Variants in SCHIP1 observed in about 807,000 individuals in gnomAD.
The protein encoded by SCHIP1 is schwannomin interacting protein 1.
Under a neutral mutation model 29.7 loss-of-function variants are expected in SCHIP1, and 8 were observed. That is an observed-to-expected ratio of 0.27 (90% confidence interval 0.16 to 0.49). The LOEUF (loss-of-function observed/expected upper bound fraction) is 0.49, where lower values mean the gene tolerates loss of function less well. Ranked by LOEUF, SCHIP1 falls within the 20% of genes least tolerant of loss-of-function variation. SCHIP1 has a pLI of 0.99. For synonymous variants in SCHIP1, 76 were observed against 94.9 expected, an observed-to-expected ratio of 0.80 and a Z score of 1.16; for missense variants, 193 against 294.6, an observed-to-expected ratio of 0.66 and a Z score of 2.52.
chr3:159,451,638 A>G, the SCHIP1 span, among the ~76,000 whole-genome samples: 1 of 152,242 alleles, frequency 6.6e-6, no homozygotes, highest in Non-Finnish European at 1.5e-5. Context: ...ACAATTGTTC[A>G]ATTGCTTAGT....
chr3:159,817,313 G>A, the SCHIP1 span, among the ~76,000 whole-genome samples: 3 of 152,036 alleles, frequency 2.0e-5, no homozygotes, highest in Admixed American at 6.5e-5. Flanking sequence ...GTGGGGTGGC[G>A]GGCTGCGGGT....
At chr3:159,486,072 T>C in the SCHIP1 span, among the ~76,000 whole-genome samples, 2 of 152,232 alleles carry the variant, frequency 1.3e-5, no homozygotes, top group East Asian at 1.9e-4. Context: ...TGTTTTGGTA[T>C]ACATAATGAA....
the SCHIP1 span, among the ~76,000 whole-genome samples, chr3:159,397,268 G>T: frequency 2.0e-5 from 3 of 152,108 alleles, no homozygotes; most frequent in African/African-American, 7.2e-5. Flanking sequence ...TGGTTTGAAT[G>T]TCCTCCTGTA....
chr3:159,813,378 A>C, the SCHIP1 span, among the ~76,000 whole-genome samples: 1 of 152,156 alleles, frequency 6.6e-6, no homozygotes, highest in Non-Finnish European at 1.5e-5. Flanking sequence ...ATACGTCCAT[A>C]AGTGGCAGTT....
chr3:159,479,157 A>G, the SCHIP1 span, among the ~76,000 whole-genome samples: 1 of 152,192 alleles, frequency 6.6e-6, no homozygotes, highest in African/African-American at 2.4e-5. Flanking sequence ...TTTGTGTATC[A>G]TGCAATGTTA....
At chr3:159,274,205 G>T in the SCHIP1 span, 21 of 984,848 alleles carry the variant, frequency 2.1e-5, no homozygotes, top group Non-Finnish European at 2.4e-6. Flanking sequence ...CATGTAAATA[G>T]TTCCAAATGT....
At chr3:159,659,874 C>T in the SCHIP1 span, among the ~76,000 whole-genome samples, 325 of 152,060 alleles carry the variant, frequency 2.1e-3, no homozygotes, top group Non-Finnish European at 2.9e-3. Flanking sequence ...AAGGTTAAAG[C>T]GTGAAAAATA....
the SCHIP1 span, among the ~76,000 whole-genome samples, chr3:159,425,235 A>G: frequency 6.6e-6 from 1 of 152,214 alleles, no homozygotes. Context: ...CAATTAAAAG[A>G]CACAGACTGG....
chr3:159,788,831 AAT>A, the SCHIP1 span, among the ~76,000 whole-genome samples: 2 of 152,126 alleles, frequency 1.3e-5, no homozygotes, highest in African/African-American at 4.8e-5. Context: ...AATAGGGTAT[AAT>A]ATATATATAA....
the SCHIP1 span, among the ~76,000 whole-genome samples, chr3:159,318,338 C>A: frequency 1.3e-5 from 2 of 152,224 alleles, no homozygotes; most frequent in Admixed American, 1.3e-4. Context: ...AACCATGCTT[C>A]TTCCAAGTCC....
the SCHIP1 span, among the ~76,000 whole-genome samples, chr3:159,347,829 A>G: frequency 6.6e-6 from 1 of 152,172 alleles, no homozygotes; most frequent in African/African-American, 2.4e-5. Flanking sequence ...ATAGCCCTAC[A>G]AAGGAGAGAA....
the SCHIP1 span, among the ~76,000 whole-genome samples, chr3:159,792,333 C>T: frequency 1.3e-5 from 2 of 152,128 alleles, no homozygotes; most frequent in Non-Finnish European, 2.9e-5. Flanking sequence ...CCAGTTCTAC[C>T]GCCTAAGAGT....
At chr3:159,708,959 C>T in the SCHIP1 span, among the ~76,000 whole-genome samples, 1 of 152,316 alleles carries the variant, frequency 6.6e-6, no homozygotes, top group Non-Finnish European at 1.5e-5. Context: ...CGAGTTCCTT[C>T]AACAGCTGAA....
At chr3:159,744,158 A>G in the SCHIP1 span, among the ~76,000 whole-genome samples, 2 of 152,208 alleles carry the variant, frequency 1.3e-5, no homozygotes, top group African/African-American at 2.4e-5. Context: ...CTTAAAGTGG[A>G]GAGGTGAGAA....
chr3:159,520,075 G>A, the SCHIP1 span, among the ~76,000 whole-genome samples: 11 of 133,180 alleles, frequency 8.3e-5, no homozygotes, highest in East Asian at 2.0e-3. Flanking sequence ...ATACCAGGAA[G>A]ACACAATCTC....
chr3:159,278,021 A>G, the SCHIP1 span, among the ~76,000 whole-genome samples: 1 of 152,154 alleles, frequency 6.6e-6, no homozygotes, highest in African/African-American at 2.4e-5. Flanking sequence ...CACATAAAAG[A>G]TGCTATAGAA....
chr3:159,334,440 A>G, the SCHIP1 span, among the ~76,000 whole-genome samples: 1 of 152,174 alleles, frequency 6.6e-6, no homozygotes, highest in African/African-American at 2.4e-5. Context: ...AAAAATTTAG[A>G]TGCAGTATTA....
the SCHIP1 span, among the ~76,000 whole-genome samples, chr3:159,447,972 G>A: frequency 6.6e-6 from 1 of 152,158 alleles, no homozygotes; most frequent in Admixed American, 6.5e-5. Context: ...AAGGAGCCTA[G>A]GGATCCTGGC....
the SCHIP1 span, among the ~76,000 whole-genome samples, chr3:159,331,359 C>T: frequency 2.6e-5 from 4 of 152,192 alleles, no homozygotes; most frequent in South Asian, 2.1e-4. Flanking sequence ...CTCTTTCCTT[C>T]GGATGTCCCT....
Sources: gnomAD v4.1 joint callset for allele counts (sites outside exome capture counted in the v4.1 genomes callset) on GRCh38, gnomAD v4.1.1 for gene constraint, MANE v1.5 for transcripts, NCBI Gene and HGNC (gene_info 2026-07-23, HGNC 2026-07-21) for gene names.